The following PGPEP1 variants were observed in gnomAD, a reference collection of about 807,000 sequenced individuals.
PGPEP1 encodes pyroglutamyl-peptidase I.
PGPEP1 carries 15 observed loss-of-function variants against 24.1 expected under a neutral mutation model. The observed-to-expected ratio is 0.62, with a 90% CI of 0.42 to 0.96. The LOEUF is 0.96. Among genes scored for constraint, PGPEP1 ranks in the 40% least tolerant of loss-of-function variants. The pLI, the probability that PGPEP1 is intolerant of heterozygous loss-of-function variation, is 0.00. For synonymous variants in PGPEP1, 122 were observed against 116.4 expected (o/e 1.05, Z -0.31); for missense variants, 242 against 273.4 (o/e 0.89, Z 0.81).
In PGPEP1 at chr19:18,357,427, A is replaced by G. The variant is rs758181416; in HGVS notation, c.249A>G (p.Thr83=). The change falls in exon 4 of 5, where the codon ACA becomes ACG. Residue 83 remains threonine, a synonymous_variant. Transcript: ENST00000269919. ...VGVSGMATTV[T]LEKCGHNKGY... is the part of the protein sequence containing the mutation. Reference sequence around the variant, plus strand: ...TGTCAGGCATGGCGACCACAGTCACACTGGAGAAATGTGGACACAACAAGG... The same window carrying G: ...TGTCAGGCATGGCGACCACAGTCACGCTGGAGAAATGTGGACACAACAAGG... 1 of 1,614,054 alleles carries G rather than the reference A, an allele frequency of 6.2e-7. No individual in the cohort carries two copies.
chr19:18,344,019 A>T (rs7249905), intron 2 of PGPEP1, among the ~76,000 whole-genome samples: 7,432 of 151,964 alleles, frequency 0.049, 642 homozygotes, highest in African/African-American at 0.17. Context: ...TTTTCCATTG[A>T]CTCAGACAAA....
At position 18,369,519 on chromosome 19, in the gene PGPEP1, A is replaced by G. The variant is rs1971647389; in HGVS notation, c.*5936A>G. 6.6e-6 allele frequency: 1 copy of G among 152,150 alleles called. No individual in the cohort carries two copies. The highest frequency in any genetic ancestry group is 2.4e-5 in the African/African-American group (1 of 41,410). 9.4% of individuals were successfully genotyped at this position (152,150 alleles called of 1,614,324 possible). ...ACTTTGTCTCAAGGAGATTCCACAT[A>G]GGGATTTGAATTAGGCTTTCTGCTT... is the stretch of plus-strand genomic sequence containing the variant. On this transcript the variant is annotated 3_prime_UTR_variant, in exon 5 of 5. Transcript: ENST00000269919.
intron 4 of PGPEP1, among the ~76,000 whole-genome samples, chr19:18,363,067 G>GTGTT (rs747177888): frequency 6.8e-6 from 1 of 146,746 alleles, no homozygotes; most frequent in South Asian, 2.1e-4. Flanking sequence ...GTGTGTGTGT[G>GTGTT]TTTTAAAGAG....
At chr19:18,351,716 G>C (rs556061235) in intron 2 of PGPEP1, among the ~76,000 whole-genome samples, 1 of 152,050 alleles carries the variant, frequency 6.6e-6, no homozygotes, top group African/African-American at 2.4e-5. Context: ...GCTAAAGTGG[G>C]AGGATCGCTT....
At chr19:18,347,044 G>A (rs189625779) in intron 2 of PGPEP1, among the ~76,000 whole-genome samples, 18 of 147,698 alleles carry the variant, frequency 1.2e-4, no homozygotes, top group South Asian at 2.1e-4. Flanking sequence ...TTCTCTCTCC[G>A]TTTCTCTCTT....
At chr19:18,359,617 C>T (rs764798886) in intron 4 of PGPEP1, among the ~76,000 whole-genome samples, 1 of 151,978 alleles carries the variant, frequency 6.6e-6, no homozygotes, top group Non-Finnish European at 1.5e-5. Context: ...AAGTGATTCT[C>T]CTGCCTCAGC....
At chr19:18,358,994 A>C (rs2144572743) in intron 4 of PGPEP1, among the ~76,000 whole-genome samples, 1 of 152,118 alleles carries the variant, frequency 6.6e-6, no homozygotes, top group Middle Eastern at 3.4e-3. Flanking sequence ...GTCTTTTATA[A>C]ATTTAAATCA....
chr19:18,356,053 C>A, intron 3 of PGPEP1, 42 bp downstream of exon 3: 1 of 1,223,700 alleles, frequency 8.2e-7, no homozygotes, highest in Non-Finnish European at 1.2e-6. Flanking sequence ...TCAGGACTTA[C>A]AGGTTGGCAC....
At chr19:18,360,128 C>T (rs1013293680) in intron 4 of PGPEP1, among the ~76,000 whole-genome samples, 6 of 152,162 alleles carry the variant, frequency 3.9e-5, no homozygotes, top group Admixed American at 6.6e-5. Context: ...CTCAGCCTCC[C>T]GAGTAGCTGG....
intron 1 of PGPEP1, among the ~76,000 whole-genome samples, chr19:18,342,177 G>A (rs895535646): frequency 1.3e-5 from 2 of 152,174 alleles, no homozygotes; most frequent in African/African-American, 4.8e-5. Flanking sequence ...CCAAAGTGCT[G>A]GAATTACAGG....
Position 18,368,438 on chromosome 19 carries a change from CAAAAA to C in PGPEP1, c.*4869_*4873del, listed in dbSNP as rs59054174. 27 of 116,934 alleles carry C rather than the reference CAAAAA, an allele frequency of 2.3e-4. No homozygotes were observed. Among genetic ancestry groups the C allele is most frequent in the African/African-American group, 2.7e-4 (8 of 29,770 alleles). 7.2% of individuals were successfully genotyped at this position (116,934 alleles called of 1,614,324 possible). On this transcript the variant is annotated 3_prime_UTR_variant, in exon 5 of 5. Coordinates refer to ENST00000269919, the MANE Select transcript of PGPEP1 (RefSeq NM_017712.4). ...TGGGCAACATAGCAAGACTCTGTCACAAAAAAAAAAAAAAAAAAGAATTCCCTGCT... is the reference window on the plus strand; with the variant it reads ...TGGGCAACATAGCAAGACTCTGTCACAAAAAAAAAAAAAGAATTCCCTGCT...
intron 2 of PGPEP1, among the ~76,000 whole-genome samples, chr19:18,352,266 C>CAAAAAAAAAAAAAAAAAAA (rs60299417): frequency 1.1e-4 from 5 of 43,662 alleles, no homozygotes; most frequent in Admixed American, 7.2e-4. Context: ...GACTCCGTCT[C>CAAAAAAAAAAAAAAAAAAA]AAAAAAAAAA....
At chr19:18,356,577 T>A (rs1417264016) in intron 3 of PGPEP1, among the ~76,000 whole-genome samples, 1 of 151,804 alleles carries the variant, frequency 6.6e-6, no homozygotes, top group Admixed American at 6.6e-5. Flanking sequence ...TGAGATCCCA[T>A]CTCTACAAAA....
rs868299334 is a variant in PGPEP1 at position 18,340,598 on chromosome 19, C to G, written c.-84C>G. ...GCCGGGGGCTTGACAGGGGCGTGGC[C>G]TCGCGCGGCCGAGAGGCTGCAGCGG... On this transcript the variant is annotated 5_prime_UTR_variant, in exon 1 of 5. Transcript: ENST00000269919. 127 of 1,345,850 alleles carry G rather than the reference C, an allele frequency of 9.4e-5. 1 individual carries two copies. Among genetic ancestry groups the G allele is most frequent in the African/African-American group, 6.5e-4 (43 of 65,862 alleles). The allele number at this position is 1,345,850 out of a possible 1,614,324, so 83.4% of individuals were successfully genotyped here.
rs1568320782 is a variant in PGPEP1, at chr19:18,364,083, G to GTTCTTTCTTTCTTTCTTT, written c.*500_*501insTTCTTTCTTTCTTTCTTT. 25 of 86,694 alleles carry GTTCTTTCTTTCTTTCTTT rather than the reference G, an allele frequency of 2.9e-4. No homozygotes were observed. Among genetic ancestry groups the GTTCTTTCTTTCTTTCTTT allele is most frequent in the African/African-American group, 3.7e-4 (10 of 26,760 alleles). The allele number at this position is 86,694 out of a possible 1,614,324, so 5.4% of individuals were successfully genotyped here. On this transcript the variant is annotated 3_prime_UTR_variant, in exon 5 of 5. Transcript: ENST00000269919. ...ACCCTGGGATATGGCTGGCTGGCTG[G>GTTCTTTCTTTCTTTCTTT]CTTTCTTTCTTTCTTTCTTTCTTTC...
intron 2 of PGPEP1, among the ~76,000 whole-genome samples, chr19:18,355,163 G>C (rs1971142745): frequency 6.6e-6 from 1 of 151,622 alleles, no homozygotes; most frequent in Admixed American, 6.6e-5. Context: ...TAGAGATGGG[G>C]TTTCACTGTG....
intron 1 of PGPEP1, 37 bp downstream of exon 1, chr19:18,340,752 G>A: frequency 2.1e-6 from 3 of 1,418,786 alleles, no homozygotes; most frequent in South Asian, 2.9e-5. Context: ...GGCAGCGGCC[G>A]GGGGCAGAGG....
intron 4 of PGPEP1, among the ~76,000 whole-genome samples, chr19:18,358,781 A>AT (rs1423412235): frequency 4.1e-5 from 6 of 147,066 alleles, no homozygotes; most frequent in African/African-American, 1.5e-4. Flanking sequence ...GACCCAGCAA[A>AT]TTTTTTGTAT....
intron 2 of PGPEP1, among the ~76,000 whole-genome samples, chr19:18,354,291 C>T (rs990188170): frequency 2.0e-5 from 3 of 151,630 alleles, no homozygotes; most frequent in African/African-American, 7.3e-5. Flanking sequence ...GTCAGGAGAT[C>T]GAGACCATCC....
Sources: gnomAD v4.1 joint callset for allele counts (sites outside exome capture counted in the v4.1 genomes callset) on GRCh38, gnomAD v4.1.1 for gene constraint, MANE v1.5 for transcripts, NCBI Gene and HGNC (gene_info 2026-07-23, HGNC 2026-07-21) for gene names.